IREB2: variants seen among roughly 807,000 people sequenced by gnomAD.
The protein encoded by IREB2 is iron-responsive element-binding protein 2.
In IREB2, 39 loss-of-function variants were observed where a neutral mutation model predicts 118.8. That is an observed-to-expected ratio of 0.33 (90% CI 0.25 to 0.43). IREB2 has a LOEUF of 0.43. IREB2 is among the 20% of genes least tolerant of loss of function. The pLI is 1.00. For missense variants in IREB2, 900 were observed against 1,147.3 expected, an observed-to-expected ratio of 0.78 and a Z score of 3.11; for synonymous variants, 372 against 392.2, an observed-to-expected ratio of 0.95 and a Z score of 0.61.
At chr15:78,473,670 G>A (rs2051416900) in intron 8 of IREB2, 1 of 285,578 alleles carries the variant, frequency 3.5e-6, no homozygotes, top group South Asian at 4.9e-5. Flanking sequence ...GAAAACTAAG[G>A]TACAGTAGGG....
chr15:78,470,751 G>A (rs912861432), intron 6 of IREB2, 150 bp downstream of exon 6: 2 of 431,088 alleles, frequency 4.6e-6, no homozygotes, highest in African/African-American at 4.7e-5. Context: ...CTGGAGTCCA[G>A]TGGCGTGATC....
At chr15:78,482,771 G>A (rs960052201) in intron 10 of IREB2, among the ~76,000 whole-genome samples, 12 of 149,362 alleles carry the variant, frequency 8.0e-5, no homozygotes, top group South Asian at 4.2e-4. Context: ...TTTTTGAGAC[G>A]GAGTCTCGCT....
At chr15:78,465,226 A>T (rs112864715) in intron 3 of IREB2, 25 bp from the exon 4 acceptor site, 9 of 1,586,734 alleles carry the variant, frequency 5.7e-6, no homozygotes, top group African/African-American at 5.4e-5. Flanking sequence ...TTTGGACTAT[A>T]ATTTGACCAT....
intron 16 of IREB2, 96 bp from the exon 17 acceptor site, chr15:78,490,326 T>G (rs139915882): frequency 4.8e-4 from 334 of 689,436 alleles, no homozygotes; most frequent in Non-Finnish European, 7.8e-4. Context: ...TGTTGTGACC[T>G]AAGTACTATT....
chr15:78,441,422 T>G (rs1667248472), intron 2 of IREB2, among the ~76,000 whole-genome samples: 1 of 152,268 alleles, frequency 6.6e-6, no homozygotes, highest in African/African-American at 2.4e-5. Context: ...ATTGATCGTT[T>G]ACAAGAATAG....
intron 11 of IREB2, among the ~76,000 whole-genome samples, 189 bp from the exon 12 acceptor site, chr15:78,484,572 C>T (rs1332717619): frequency 1.3e-5 from 2 of 152,154 alleles, no homozygotes; most frequent in South Asian, 2.1e-4. Context: ...AGACTCCTGT[C>T]GTGCCCATGC....
intron 2 of IREB2, among the ~76,000 whole-genome samples, chr15:78,451,748 G>A (rs1424880920): frequency 6.6e-6 from 1 of 151,974 alleles, no homozygotes; most frequent in East Asian, 1.9e-4. Context: ...GGAGTGCAAT[G>A]GCACAATCTT....
chr15:78,468,974 T>C (rs1244376763), intron 5 of IREB2, among the ~76,000 whole-genome samples: 1 of 152,228 alleles, frequency 6.6e-6, no homozygotes, highest in African/African-American at 2.4e-5. Context: ...TCTTTAGTTT[T>C]TGTTTCTTTT....
intron 2 of IREB2, among the ~76,000 whole-genome samples, chr15:78,441,326 G>T (rs1001908369): frequency 2.0e-5 from 3 of 152,176 alleles, no homozygotes; most frequent in African/African-American, 7.2e-5. Context: ...AAGGAAGTTG[G>T]TCATTTTCTT....
chr15:78,479,058 A>G (rs1429373217), intron 10 of IREB2, among the ~76,000 whole-genome samples: 1 of 152,160 alleles, frequency 6.6e-6, no homozygotes, highest in African/African-American at 2.4e-5. Flanking sequence ...TGCTGGGATT[A>G]CAGACATGAG....
chr15:78,473,594 A>G, intron 8 of IREB2: 2 of 517,344 alleles, frequency 3.9e-6, no homozygotes, highest in Non-Finnish European at 3.4e-6. Flanking sequence ...CACTTATGTT[A>G]GCTCATTTAG....
intron 2 of IREB2, among the ~76,000 whole-genome samples, chr15:78,445,600 G>A (rs140205483): frequency 6.6e-6 from 1 of 152,204 alleles, no homozygotes; most frequent in African/African-American, 2.4e-5. Flanking sequence ...TCACTTAAAG[G>A]CTGCCTGGTT....
rs1419792192 is a variant in IREB2 at position 78,476,329 on chromosome 15, A to T, written c.1165A>T (p.Asn389Tyr). ...TATCCTCAGCTTTTTCCCTGTTGAC[A>T]ATGTGACATTAAAACATTTAGAACA... ...GAILSFFPVD[N>Y]VTLKHLEHTG... Residue 389 changes from asparagine (N) to tyrosine (Y), a missense_variant, in exon 9 of 22, where the codon AAT becomes TAT. Coordinates refer to ENST00000258886, the MANE Select transcript of IREB2 (RefSeq NM_004136.4). 3 of 1,591,070 alleles carry T rather than the reference A, an allele frequency of 1.9e-6. No homozygotes were observed. In the Admixed American group the frequency reaches 5.0e-5, roughly 27 times the overall value.
At chr15:78,483,039 C>G (rs77235292) in intron 10 of IREB2, among the ~76,000 whole-genome samples, 23,011 of 152,024 alleles carry the variant, frequency 0.15, 1,772 homozygotes, top group Non-Finnish European at 0.16. Flanking sequence ...GCGCCCGGCC[C>G]CAGATTTTGT....
chr15:78,455,572 AAAAAAAAG>A (rs954634486), intron 2 of IREB2, among the ~76,000 whole-genome samples: 2 of 106,676 alleles, frequency 1.9e-5, no homozygotes, highest in South Asian at 2.9e-4. Flanking sequence ...CTCTATTGAA[AAAAAAAAG>A]AAAAAAAGAA....
intron 2 of IREB2, among the ~76,000 whole-genome samples, chr15:78,444,660 G>C (rs1007522663): frequency 2.6e-5 from 4 of 152,088 alleles, no homozygotes; most frequent in Non-Finnish European, 4.4e-5. Context: ...CAAGAACATT[G>C]CAGATGGTAC....
At chr15:78,473,157 C>G in intron 7 of IREB2, 85 bp from the exon 8 acceptor site, 1 of 1,305,744 alleles carries the variant, frequency 7.7e-7, no homozygotes, top group Non-Finnish European at 1.1e-6. Context: ...AAGATAAGCT[C>G]ATGAAACACC....
At chr15:78,441,487 G>A (rs1302937953) in intron 2 of IREB2, among the ~76,000 whole-genome samples, 1 of 152,186 alleles carries the variant, frequency 6.6e-6, no homozygotes, top group Non-Finnish European at 1.5e-5. Context: ...TGGCTTGGAA[G>A]TCTTTTAACC....
intron 2 of IREB2, among the ~76,000 whole-genome samples, chr15:78,445,742 G>T (rs545768734): frequency 2.9e-4 from 44 of 152,172 alleles, no homozygotes; most frequent in Non-Finnish European, 5.4e-4. Context: ...ATTACTAACC[G>T]GTTAAGAGTG....
Sources: gnomAD v4.1 joint callset for allele counts (sites outside exome capture counted in the v4.1 genomes callset) on GRCh38, gnomAD v4.1.1 for gene constraint, MANE v1.5 for transcripts, NCBI Gene and HGNC (gene_info 2026-07-23, HGNC 2026-07-21) for gene names.